Variants in MAGI2 observed in about 807,000 individuals in gnomAD.
MAGI2 encodes the protein membrane-associated guanylate kinase, WW and PDZ domain-containing protein 2.
MAGI2 carries 35 observed loss-of-function variants against 133.3 expected under a neutral mutation model. The ratio of observed to expected loss-of-function variants is 0.26; its 90% CI spans 0.20 to 0.35. MAGI2 has a LOEUF of 0.35. MAGI2 is among the 10% of genes least tolerant of loss of function. The probability of loss-of-function intolerance (pLI) is 1.00; values close to 1 mark genes in which losing one functional copy is unlikely to be tolerated. For synonymous variants in MAGI2, 729 were observed against 710.6 expected (o/e 1.03, Z -0.41); for missense variants, 1,636 against 1,863.4 (o/e 0.88, Z 2.25).
chr7:79,328,364 A>G (rs1258222934), intron 1 of MAGI2, among the ~76,000 whole-genome samples: 1 of 152,162 alleles, frequency 6.6e-6, no homozygotes, highest in Non-Finnish European at 1.5e-5. Flanking sequence ...CCTTAGTGCT[A>G]TCAATGGTCA....
chr7:78,296,024 T>TATTA (rs948497154), intron 9 of MAGI2, among the ~76,000 whole-genome samples: 7 of 152,184 alleles, frequency 4.6e-5, no homozygotes, highest in Non-Finnish European at 7.3e-5. Context: ...TTGCCATTGC[T>TATTA]ATTACCCTAG....
chr7:79,407,094 G>A (rs1426453949), intron 1 of MAGI2, among the ~76,000 whole-genome samples: 2 of 152,084 alleles, frequency 1.3e-5, no homozygotes, highest in Non-Finnish European at 2.9e-5. Context: ...TTACTAATAA[G>A]AACAGGGATA....
At chr7:78,409,300 GAATA>G (rs1174725046) in intron 6 of MAGI2, among the ~76,000 whole-genome samples, 26 of 152,146 alleles carry the variant, frequency 1.7e-4, no homozygotes, top group African/African-American at 6.0e-4. Flanking sequence ...TCTGTTGAAT[GAATA>G]AATAGATGCC....
intron 2 of MAGI2, among the ~76,000 whole-genome samples, chr7:78,950,955 C>T (rs1801824038): frequency 6.6e-6 from 1 of 151,198 alleles, no homozygotes; most frequent in African/African-American, 2.4e-5. Context: ...TTGTCTCTCC[C>T]ACCCTAACGT....
chr7:78,397,366 T>TAC (rs71085528), intron 6 of MAGI2, among the ~76,000 whole-genome samples: 6,377 of 147,752 alleles, frequency 0.043, 215 homozygotes, highest in African/African-American at 0.098. Context: ...TTGAAATTCC[T>TAC]ACACACACAC....
chr7:78,420,989 C>A (rs981376982), intron 6 of MAGI2, among the ~76,000 whole-genome samples: 1 of 152,232 alleles, frequency 6.6e-6, no homozygotes, highest in East Asian at 1.9e-4. Flanking sequence ...TAAAGTGTTC[C>A]AAGTTGACAA....
intron 2 of MAGI2, among the ~76,000 whole-genome samples, chr7:78,655,454 C>CAAAAAAAAAAAAAAAAAAAAAAAACA: frequency 2.0e-4 from 13 of 64,942 alleles, no homozygotes; most frequent in East Asian, 5.2e-4. Context: ...AAAAAACAAC[C>CAAAAAAAAAAAAAAAAAAAAAAAACA]AAAAAAAAAA....
At chr7:79,099,967 T>C (rs1230393250) in intron 1 of MAGI2, among the ~76,000 whole-genome samples, 2 of 152,248 alleles carry the variant, frequency 1.3e-5, no homozygotes. Context: ...TATGTCCTTC[T>C]ACACTTTTCT....
At chr7:78,720,440 G>C (rs897410102) in intron 2 of MAGI2, among the ~76,000 whole-genome samples, 1 of 152,024 alleles carries the variant, frequency 6.6e-6, no homozygotes, top group African/African-American at 2.4e-5. Flanking sequence ...GCTAGTAAGT[G>C]AAGCTGACAT....
At chr7:78,241,894 A>C (rs1288169177) in intron 10 of MAGI2, among the ~76,000 whole-genome samples, 1 of 151,684 alleles carries the variant, frequency 6.6e-6, no homozygotes, top group Non-Finnish European at 1.5e-5. Flanking sequence ...AGATCATGCC[A>C]CTGCACTCCA....
intron 1 of MAGI2, among the ~76,000 whole-genome samples, chr7:79,266,931 T>C (rs1173472014): frequency 6.6e-6 from 1 of 152,094 alleles, no homozygotes; most frequent in Non-Finnish European, 1.5e-5. Flanking sequence ...AGATGGAAAA[T>C]GAGGTCTATC....
At chr7:78,551,096 T>A (rs1164875511) in intron 3 of MAGI2, among the ~76,000 whole-genome samples, 1 of 152,232 alleles carries the variant, frequency 6.6e-6, no homozygotes, top group Non-Finnish European at 1.5e-5. Flanking sequence ...CTATCTTAAC[T>A]TTATAAATGA....
intron 10 of MAGI2, among the ~76,000 whole-genome samples, chr7:78,240,719 T>C (rs1791047330): frequency 6.6e-6 from 1 of 152,176 alleles, no homozygotes; most frequent in East Asian, 1.9e-4. Context: ...AGATCTATTG[T>C]GCAGCATGGT....
intron 1 of MAGI2, among the ~76,000 whole-genome samples, chr7:79,285,860 G>A (rs541649910): frequency 3.9e-5 from 6 of 152,216 alleles, no homozygotes; most frequent in Admixed American, 3.3e-4. Context: ...GTTATTCAGA[G>A]AGCCACAGAA....
chr7:79,343,548 TAA>T (rs10574791), intron 1 of MAGI2, among the ~76,000 whole-genome samples: 45,738 of 149,618 alleles, frequency 0.31, 7,204 homozygotes, highest in Admixed American at 0.38. Flanking sequence ...GTATTTTCTT[TAA>T]AAAAAAAAAA....
At chr7:79,095,142 C>G (rs558986403) in intron 1 of MAGI2, among the ~76,000 whole-genome samples, 18 of 152,168 alleles carry the variant, frequency 1.2e-4, no homozygotes, top group Admixed American at 2.6e-4. Context: ...ATTATCTTAG[C>G]TAGATCTTCT....
At chr7:78,539,092 T>C (rs1216021619) in intron 3 of MAGI2, among the ~76,000 whole-genome samples, 1 of 152,220 alleles carries the variant, frequency 6.6e-6, no homozygotes, top group African/African-American at 2.4e-5. Context: ...CTTGTCATGT[T>C]CCAGTTCTCA....
At chr7:78,313,230 T>A (rs1798868314) in intron 9 of MAGI2, among the ~76,000 whole-genome samples, 1 of 152,008 alleles carries the variant, frequency 6.6e-6, no homozygotes, top group African/African-American at 2.4e-5. Flanking sequence ...GATGACAAAT[T>A]ACCTAATGAA....
chr7:79,057,979 A>G (rs1476729042), intron 1 of MAGI2, among the ~76,000 whole-genome samples: 6 of 146,654 alleles, frequency 4.1e-5, no homozygotes, highest in Admixed American at 2.7e-4. Context: ...TTTTTTAGTC[A>G]CATAGACTTC....
Sources: allele counts gnomAD v4.1 joint callset (sites outside exome capture counted in the v4.1 genomes callset), GRCh38; gene constraint gnomAD v4.1.1; transcripts MANE v1.5; gene names NCBI Gene and HGNC (gene_info 2026-07-23, HGNC 2026-07-21).